The following FHIT variants were observed in gnomAD, a reference collection of about 807,000 sequenced individuals.
FHIT encodes the protein fragile histidine triad diadenosine triphosphatase.
Under a neutral mutation model 17.9 loss-of-function variants are expected in FHIT, and 19 were observed. That is an observed-to-expected ratio of 1.06 (90% CI 0.74 to 1.56). The LOEUF is 1.56. Ranked by LOEUF, FHIT falls within the 40% of genes most tolerant of loss-of-function variation. The pLI is 0.00. For missense variants in FHIT, 248 were observed against 189.2 expected, an observed-to-expected ratio of 1.31 and a Z score of -1.82; for synonymous variants, 81 against 69.7, an observed-to-expected ratio of 1.16 and a Z score of -0.81.
At chr3:60,346,135 C>T (rs1559839563) in intron 5 of FHIT, among the ~76,000 whole-genome samples, 1 of 152,168 alleles carries the variant, frequency 6.6e-6, no homozygotes, top group Non-Finnish European at 1.5e-5. Flanking sequence ...CATGTCTGCG[C>T]CCAAATACAC....
At chr3:60,479,708 CAG>C (rs1315118969) in intron 5 of FHIT, among the ~76,000 whole-genome samples, 8 of 152,184 alleles carry the variant, frequency 5.3e-5, no homozygotes, top group Admixed American at 2.0e-4. Flanking sequence ...CCTGTCAGAT[CAG>C]AGTCGGTATT....
At chr3:60,691,682 T>C (rs546042526) in intron 4 of FHIT, among the ~76,000 whole-genome samples, 18 of 152,200 alleles carry the variant, frequency 1.2e-4, no homozygotes, top group Non-Finnish European at 2.5e-4. Context: ...GTTTTTTAAA[T>C]AGTGATTTCT....
At chr3:60,083,422 T>C (rs1421836531) in intron 5 of FHIT, among the ~76,000 whole-genome samples, 1 of 152,164 alleles carries the variant, frequency 6.6e-6, no homozygotes, top group African/African-American at 2.4e-5. Flanking sequence ...TGCTTAGGAT[T>C]GCTTTGGCTA....
chr3:60,887,554 G>T (rs1705284541), intron 3 of FHIT, among the ~76,000 whole-genome samples: 1 of 152,092 alleles, frequency 6.6e-6, no homozygotes, highest in African/African-American at 2.4e-5. Flanking sequence ...GCTGAGGCAG[G>T]AGAGTCGCTT....
At chr3:60,213,151 T>C (rs1388575693) in intron 5 of FHIT, among the ~76,000 whole-genome samples, 1 of 152,134 alleles carries the variant, frequency 6.6e-6, no homozygotes, top group Non-Finnish European at 1.5e-5. Flanking sequence ...AGAGAATTAA[T>C]TGGCTTATAT....
intron 5 of FHIT, among the ~76,000 whole-genome samples, chr3:60,380,135 T>C (rs1700736495): frequency 6.6e-6 from 1 of 152,190 alleles, no homozygotes; most frequent in Non-Finnish European, 1.5e-5. Context: ...TAAAATGTGA[T>C]CCCCAAAGTT....
intron 4 of FHIT, among the ~76,000 whole-genome samples, chr3:60,758,268 T>A (rs1559699238): frequency 6.6e-6 from 1 of 152,166 alleles, no homozygotes; most frequent in Non-Finnish European, 1.5e-5. Context: ...TTGAGTAGCA[T>A]CAGAAAACGC....
intron 5 of FHIT, among the ~76,000 whole-genome samples, chr3:60,369,362 T>C (rs972776486): frequency 5.3e-5 from 8 of 152,196 alleles, no homozygotes; most frequent in African/African-American, 1.7e-4. Flanking sequence ...CATCCATGTT[T>C]TCCTTTAAGT....
chr3:60,353,543 T>C (rs189666979), intron 5 of FHIT, among the ~76,000 whole-genome samples: 1 of 152,164 alleles, frequency 6.6e-6, no homozygotes, highest in Admixed American at 6.6e-5. Context: ...CTTTGTCTAA[T>C]CAATTTAGAC....
At chr3:60,763,614 A>G (rs1488284020) in intron 4 of FHIT, among the ~76,000 whole-genome samples, 2 of 152,220 alleles carry the variant, frequency 1.3e-5, no homozygotes, top group African/African-American at 4.8e-5. Flanking sequence ...TCTAAAGCCC[A>G]TGTATGTATC....
At chr3:60,905,285 T>C (rs1470135019) in intron 3 of FHIT, among the ~76,000 whole-genome samples, 1 of 152,172 alleles carries the variant, frequency 6.6e-6, no homozygotes, top group Non-Finnish European at 1.5e-5. Flanking sequence ...GTTGAAAAAC[T>C]TGACAATATA....
chr3:60,634,043 C>G (rs1156268419), intron 4 of FHIT, among the ~76,000 whole-genome samples: 5 of 152,234 alleles, frequency 3.3e-5, no homozygotes, highest in Non-Finnish European at 7.3e-5. Flanking sequence ...AATCACTGGA[C>G]TTTGAGTAAC....
At chr3:61,222,209 G>A (rs2039857763) in intron 1 of FHIT, among the ~76,000 whole-genome samples, 2 of 152,252 alleles carry the variant, frequency 1.3e-5, no homozygotes, top group East Asian at 3.9e-4. Flanking sequence ...CTGCTTCATG[G>A]CTGGCATAAT....
intron 7 of FHIT, among the ~76,000 whole-genome samples, chr3:60,008,848 G>C (rs1700020394): frequency 6.6e-6 from 1 of 152,182 alleles, no homozygotes; most frequent in Non-Finnish European, 1.5e-5. Context: ...CTGCAAGACT[G>C]GCTTCCAGGG....
intron 5 of FHIT, among the ~76,000 whole-genome samples, chr3:60,338,183 G>A (rs1710335660): frequency 1.3e-5 from 2 of 152,088 alleles, no homozygotes; most frequent in African/African-American, 4.8e-5. Context: ...AGAAGAAATT[G>A]CTCAAATTCC....
At chr3:59,796,975 C>T (rs1169718254) in intron 8 of FHIT, among the ~76,000 whole-genome samples, 2 of 152,128 alleles carry the variant, frequency 1.3e-5, no homozygotes, top group Admixed American at 6.5e-5. Flanking sequence ...CCTTCCTTTG[C>T]ACTCTAAAAA....
At chr3:59,921,923 C>T (rs1208500695) in intron 8 of FHIT, among the ~76,000 whole-genome samples, 1 of 152,190 alleles carries the variant, frequency 6.6e-6, no homozygotes, top group Non-Finnish European at 1.5e-5. Flanking sequence ...TGAATAAATG[C>T]TGTTGGGAAA....
intron 4 of FHIT, among the ~76,000 whole-genome samples, chr3:60,769,448 T>A (rs1553722435): frequency 6.6e-6 from 1 of 152,084 alleles, no homozygotes; most frequent in African/African-American, 2.4e-5. Context: ...ACAACTCAAG[T>A]GAAAAATGCT....
intron 4 of FHIT, among the ~76,000 whole-genome samples, chr3:60,672,760 A>G (rs1042897457): frequency 5.9e-5 from 9 of 151,558 alleles, no homozygotes; most frequent in East Asian, 1.9e-4. Flanking sequence ...TATTTATGCC[A>G]TCTTTTTTTG....
Sources: gnomAD v4.1 joint callset for allele counts (sites outside exome capture counted in the v4.1 genomes callset) on GRCh38, gnomAD v4.1.1 for gene constraint, MANE v1.5 for transcripts, NCBI Gene and HGNC (gene_info 2026-07-23, HGNC 2026-07-21) for gene names.